Variants in MACROD2 observed in about 807,000 individuals in gnomAD.
MACROD2 encodes the protein ADP-ribose glycohydrolase MACROD2.
Under a neutral mutation model 70.4 loss-of-function variants are expected in MACROD2, and 36 were observed. That is an observed-to-expected ratio of 0.51 (90% CI 0.39 to 0.68). The LOEUF is 0.68. Among genes scored for constraint, MACROD2 ranks in the 30% least tolerant of loss-of-function variants. The pLI is 0.00. For missense variants in MACROD2, 496 were observed against 538.4 expected, an observed-to-expected ratio of 0.92 and a Z score of 0.78; for synonymous variants, 172 against 178.8, an observed-to-expected ratio of 0.96 and a Z score of 0.30.
At position 14,531,601 on chromosome 20, in the gene MACROD2, C is replaced by G. The variant is rs7266716; in HGVS notation, c.301+38093C>G. On this transcript the variant is annotated intron_variant, in intron 4 of 17. Transcript: ENST00000684519. The stretch of plus-strand genomic sequence containing the variant: ...TTGTGTGGTAATTTGTTACAGAAAC[C>G]CAAGAAAACTTATATAGCAGGTATT... Among the ~76,000 whole-genome samples, 1,030 of 152,106 alleles carry G rather than the reference C, an allele frequency of 6.8e-3. 12 individuals are homozygous for G. Among genetic ancestry groups the G allele is most frequent in the African/African-American group, 0.024 (990 of 41,490 alleles).
chr20:15,412,203 A>G (rs2046088048), intron 6 of MACROD2, among the ~76,000 whole-genome samples: 1 of 152,200 alleles, frequency 6.6e-6, no homozygotes, highest in South Asian at 2.1e-4. Context: ...GAGCCTCATA[A>G]CACCTTATAA....
At chr20:15,555,834 AAAAAAAAAAAAAAAAAAAAAGG>A (rs1476154263) in intron 8 of MACROD2, among the ~76,000 whole-genome samples, 4 of 145,364 alleles carry the variant, frequency 2.8e-5, no homozygotes, top group African/African-American at 1.0e-4. Flanking sequence ...ATCTCAAAAA[AAAAAAAAAAAAAAAAAAAAAGG>A]AAAAGAAAAG....
Position 14,810,181 on chromosome 20 carries a change from A to G in MACROD2, c.418+125222A>G, listed in dbSNP as rs983959882. Among the ~76,000 whole-genome samples the G allele has an allele frequency of 2.6e-5, 4 of 152,278 alleles. No individual in the cohort carries two copies. The East Asian group carries it at 7.7e-4, about 29-fold the overall frequency. On this transcript the variant is annotated intron_variant, in intron 5 of 17. Transcript: ENST00000684519. The stretch of plus-strand genomic sequence containing the variant: ...ATATCCCTGATGAACTTTGATGCGA[A>G]AATCCTCAATAAAATACTGGCAAAC...
intron 8 of MACROD2, among the ~76,000 whole-genome samples, chr20:15,835,457 T>C (rs917029211): frequency 1.3e-5 from 2 of 152,142 alleles, no homozygotes; most frequent in East Asian, 3.9e-4. Flanking sequence ...TTATTATTAA[T>C]GTATTAGCAC....
At chr20:15,413,639 TG>T (rs1392615995) in intron 6 of MACROD2, among the ~76,000 whole-genome samples, 4 of 152,166 alleles carry the variant, frequency 2.6e-5, no homozygotes, top group Non-Finnish European at 5.9e-5. Flanking sequence ...TTAAAAAAAT[TG>T]TAAGTTATCT....
At chr20:14,059,003 C>A (rs2053663003) in intron 2 of MACROD2, among the ~76,000 whole-genome samples, 1 of 152,154 alleles carries the variant, frequency 6.6e-6, no homozygotes, top group Non-Finnish European at 1.5e-5. Context: ...TCTCATGCTT[C>A]ATTGCTGTTA....
chr20:14,254,271 A>C (rs1050600702), intron 3 of MACROD2, among the ~76,000 whole-genome samples: 3 of 151,970 alleles, frequency 2.0e-5, no homozygotes, highest in African/African-American at 7.2e-5. Flanking sequence ...TTTGGAAACT[A>C]TTTTTTCAAT....
chr20:14,551,132 C>T (rs1978626677), intron 4 of MACROD2, among the ~76,000 whole-genome samples: 1 of 151,994 alleles, frequency 6.6e-6, no homozygotes, highest in South Asian at 2.1e-4. Flanking sequence ...TTATCATGCT[C>T]TGTCAGTCTT....
chr20:14,552,789 A>C (rs1457873059), intron 4 of MACROD2, among the ~76,000 whole-genome samples: 2 of 152,132 alleles, frequency 1.3e-5, no homozygotes, highest in Non-Finnish European at 1.5e-5. Context: ...TACAGTAAAA[A>C]TTTGACACAA....
chr20:14,890,017 A>G (rs1401912643), intron 5 of MACROD2, among the ~76,000 whole-genome samples: 1 of 152,126 alleles, frequency 6.6e-6, no homozygotes, highest in Non-Finnish European at 1.5e-5. Flanking sequence ...GACTTTGTAT[A>G]TATTTTGAAG....
At position 14,676,480 on chromosome 20, in the gene MACROD2, G is replaced by A. The variant is rs887274043; in HGVS notation, c.302-8363G>A. The stretch of plus-strand genomic sequence containing the variant: ...CCTGAATGACTACTGGGTAAATAAC[G>A]AAATTAAGGCAGAAATAAATAAATT... On this transcript the variant is annotated intron_variant, in intron 4 of 17. Coordinates refer to ENST00000684519, the MANE Select transcript of MACROD2 (RefSeq NM_001351661.2). 3.9e-5 allele frequency among the ~76,000 whole-genome samples: 6 copies of A among 152,084 alleles called. No homozygotes were observed. In the East Asian group the frequency reaches 5.8e-4, roughly 15 times the overall value.
At chr20:14,252,497 A>T (rs2122277654) in intron 3 of MACROD2, among the ~76,000 whole-genome samples, 1 of 152,090 alleles carries the variant, frequency 6.6e-6, no homozygotes, top group Admixed American at 6.5e-5. Flanking sequence ...CTACTTTAAT[A>T]TTCACATATT....
intron 5 of MACROD2, among the ~76,000 whole-genome samples, chr20:14,780,578 A>AC (rs2072288609): frequency 6.6e-6 from 1 of 151,558 alleles, no homozygotes. Flanking sequence ...AAAAAAAAAA[A>AC]AGTGAAAACT....
At chr20:15,951,925 G>A (rs2065911472) in intron 12 of MACROD2, among the ~76,000 whole-genome samples, 1 of 152,158 alleles carries the variant, frequency 6.6e-6, no homozygotes, top group African/African-American at 2.4e-5. Flanking sequence ...TATGTGATAT[G>A]GTTTGGCTAT....
intron 12 of MACROD2, among the ~76,000 whole-genome samples, chr20:15,957,095 T>C (rs1194645698): frequency 2.0e-5 from 3 of 152,090 alleles, no homozygotes; most frequent in African/African-American, 7.2e-5. Context: ...GCACAACTTA[T>C]AGATGCTGTT....
intron 8 of MACROD2, among the ~76,000 whole-genome samples, chr20:15,772,097 AAAAAATATATATATAT>A (rs1321406856): frequency 1.1e-5 from 1 of 93,432 alleles, no homozygotes; most frequent in East Asian, 5.1e-4. Context: ...AAAAAAAAAA[AAAAAATATATATATAT>A]ATATATATAT....
intron 3 of MACROD2, among the ~76,000 whole-genome samples, chr20:14,448,712 C>T (rs1295312984): frequency 6.6e-6 from 1 of 151,860 alleles, no homozygotes; most frequent in African/African-American, 2.4e-5. Context: ...CGGTGAGAGA[C>T]AAACATAACA....
At chr20:14,297,985 A>G (rs2082441012) in intron 3 of MACROD2, among the ~76,000 whole-genome samples, 1 of 151,906 alleles carries the variant, frequency 6.6e-6, no homozygotes, top group Non-Finnish European at 1.5e-5. Flanking sequence ...AATAAGAATT[A>G]TGCTTACTCT....
chr20:14,743,195 C>G (rs970210400), intron 5 of MACROD2, among the ~76,000 whole-genome samples: 1 of 152,086 alleles, frequency 6.6e-6, no homozygotes, highest in African/African-American at 2.4e-5. Context: ...TTAGACACAG[C>G]TTTCCAATAA....
Sources: gnomAD v4.1 joint callset for allele counts (sites outside exome capture counted in the v4.1 genomes callset) on GRCh38, gnomAD v4.1.1 for gene constraint, MANE v1.5 for transcripts, NCBI Gene and HGNC (gene_info 2026-07-23, HGNC 2026-07-21) for gene names.